The following GRIK2 variants were observed in gnomAD, a reference collection of about 807,000 sequenced individuals.
GRIK2 encodes glutamate receptor ionotropic, kainate 2.
A neutral mutation model predicts 100.3 loss-of-function variants in GRIK2; 32 were observed. The ratio of observed to expected loss-of-function variants is 0.32; its 90% CI spans 0.24 to 0.43. The LOEUF is 0.43. GRIK2 is among the 20% of genes least tolerant of loss of function. GRIK2 has a pLI of 1.00. For missense variants in GRIK2, 843 were observed against 1,114.9 expected (o/e 0.76, Z 3.47); for synonymous variants, 417 against 389.4 (o/e 1.07, Z -0.83).
chr6:101,719,733 C>T (rs1323144965), intron 7 of GRIK2, among the ~76,000 whole-genome samples: 1 of 151,824 alleles, frequency 6.6e-6, no homozygotes, highest in African/African-American at 2.4e-5. Flanking sequence ...CGATTAAGGC[C>T]CCCTCTGCCA....
chr6:101,935,324 G>T (rs903750481), intron 14 of GRIK2, among the ~76,000 whole-genome samples: 18 of 151,802 alleles, frequency 1.2e-4, no homozygotes, highest in Admixed American at 7.2e-4. Context: ...TTTATTTTGA[G>T]TTGAATAGGG....
chr6:101,944,621 G>T (rs1791158231), intron 14 of GRIK2, among the ~76,000 whole-genome samples: 1 of 152,034 alleles, frequency 6.6e-6, no homozygotes, highest in Non-Finnish European at 1.5e-5. Context: ...AAAAATAATA[G>T]TTTGTTTTAT....
intron 2 of GRIK2, among the ~76,000 whole-genome samples, chr6:101,500,522 A>G (rs559068418): frequency 6.8e-4 from 103 of 152,226 alleles, no homozygotes; most frequent in Non-Finnish European, 1.2e-3. Context: ...GATTTTCAAC[A>G]TGATCATGAT....
intron 10 of GRIK2, among the ~76,000 whole-genome samples, chr6:101,826,654 A>G (rs940650973): frequency 2.6e-5 from 4 of 152,064 alleles, no homozygotes; most frequent in Non-Finnish European, 2.9e-5. Context: ...GATTGATTCA[A>G]ACTTCAGCTT....
chr6:101,920,964 T>C, intron 12 of GRIK2, among the ~76,000 whole-genome samples: 1 of 151,848 alleles, frequency 6.6e-6, no homozygotes, highest in Non-Finnish European at 1.5e-5. Context: ...GATTAGAAAT[T>C]TGAATAAAAA....
intron 14 of GRIK2, among the ~76,000 whole-genome samples, chr6:102,000,176 C>T (rs1191506098): frequency 1.3e-5 from 2 of 150,292 alleles, no homozygotes; most frequent in Admixed American, 1.3e-4. Context: ...ATTCTATCCT[C>T]AATTTTCTGG....
At chr6:101,682,404 G>A (rs924204312) in intron 5 of GRIK2, 149 bp from the exon 6 acceptor site, 2 of 568,094 alleles carry the variant, frequency 3.5e-6, no homozygotes, top group South Asian at 2.2e-5. Context: ...TAACTACTGG[G>A]AAAAGATTTA....
intron 7 of GRIK2, among the ~76,000 whole-genome samples, chr6:101,765,375 C>A (rs1204131817): frequency 6.6e-6 from 1 of 152,006 alleles, no homozygotes; most frequent in African/African-American, 2.4e-5. Context: ...TGCGTGTGTG[C>A]TTTTTTAATG....
intron 10 of GRIK2, among the ~76,000 whole-genome samples, chr6:101,849,860 A>AG (rs1219744039): frequency 1.6e-4 from 2 of 12,642 alleles, no homozygotes; most frequent in Non-Finnish European, 4.4e-4. Context: ...ATGTTCATTA[A>AG]GGAAAAAAAA....
intron 9 of GRIK2, among the ~76,000 whole-genome samples, chr6:101,805,074 C>T (rs1292216314): frequency 1.3e-5 from 2 of 151,828 alleles, no homozygotes; most frequent in African/African-American, 4.8e-5. Context: ...CATGAGGCAA[C>T]AGCAGTTATC....
At chr6:101,944,927 A>C (rs1791183121) in intron 14 of GRIK2, among the ~76,000 whole-genome samples, 3 of 152,022 alleles carry the variant, frequency 2.0e-5, no homozygotes, top group African/African-American at 7.2e-5. Context: ...CTTTGACTTC[A>C]GTGTTAATAA....
At chr6:101,685,783 C>CAA (rs201245961) in intron 6 of GRIK2, among the ~76,000 whole-genome samples, 7 of 143,240 alleles carry the variant, frequency 4.9e-5, no homozygotes, top group South Asian at 2.2e-4. Flanking sequence ...GAAACACTGA[C>CAA]AAAAAAAAAA....
At chr6:101,988,090 AGTGTGTGTGT>A (rs57491735) in intron 14 of GRIK2, among the ~76,000 whole-genome samples, 17,307 of 141,416 alleles carry the variant, frequency 0.12, 1,350 homozygotes, top group Non-Finnish European at 0.17. Flanking sequence ...CCAGTATTAT[AGTGTGTGTGT>A]GTGTGTGTGT....
chr6:101,706,412 A>G (rs529086487), intron 7 of GRIK2, among the ~76,000 whole-genome samples: 11 of 152,048 alleles, frequency 7.2e-5, no homozygotes, highest in Admixed American at 2.0e-4. Flanking sequence ...ACAAATGTGT[A>G]TCTATACTAT....
intron 10 of GRIK2, among the ~76,000 whole-genome samples, chr6:101,830,088 A>G (rs865935438): frequency 1.3e-5 from 2 of 152,200 alleles, no homozygotes; most frequent in South Asian, 4.1e-4. Context: ...CACATAAACC[A>G]ATGTAACAGA....
intron 7 of GRIK2, among the ~76,000 whole-genome samples, chr6:101,773,697 T>A (rs991521475): frequency 6.6e-6 from 1 of 152,172 alleles, no homozygotes; most frequent in Non-Finnish European, 1.5e-5. Flanking sequence ...AAAAGCTTTA[T>A]AATTCATACT....
intron 7 of GRIK2, among the ~76,000 whole-genome samples, chr6:101,793,104 T>A (rs1357909609): frequency 1.3e-5 from 2 of 152,180 alleles, no homozygotes; most frequent in African/African-American, 4.8e-5. Context: ...TATTTATACA[T>A]TCGTCTAAAT....
chr6:101,923,388 A>G (rs1789679025), intron 12 of GRIK2, among the ~76,000 whole-genome samples: 2 of 152,180 alleles, frequency 1.3e-5, no homozygotes, highest in African/African-American at 4.8e-5. Context: ...ATGTTTATGG[A>G]TAATTCCATT....
At chr6:101,536,332 G>A (rs72957184) in intron 2 of GRIK2, among the ~76,000 whole-genome samples, 21,962 of 151,314 alleles carry the variant, frequency 0.15, 1,831 homozygotes, top group Admixed American at 0.19. Flanking sequence ...GATTTAAGGC[G>A]TATCTCTTTT....
Sources: gnomAD v4.1 joint callset for allele counts (sites outside exome capture counted in the v4.1 genomes callset) on GRCh38, gnomAD v4.1.1 for gene constraint, MANE v1.5 for transcripts, NCBI Gene and HGNC (gene_info 2026-07-23, HGNC 2026-07-21) for gene names.